TRMT11: variants seen among roughly 807,000 people sequenced by gnomAD.
The protein encoded by TRMT11 is tRNA (guanine(10)-N(2))-methyltransferase TRMT11.
Under a neutral mutation model 62.8 loss-of-function variants are expected in TRMT11, and 53 were observed. The observed-to-expected ratio is 0.84, with a 90% CI of 0.68 to 1.06. The LOEUF (loss-of-function observed/expected upper bound fraction) is 1.06. Ranked by LOEUF, TRMT11 falls within the 50% of genes least tolerant of loss-of-function variation. The probability of loss-of-function intolerance (pLI) is 0.00; values close to 1 mark genes in which losing one functional copy is unlikely to be tolerated. For synonymous variants in TRMT11, 188 were observed against 190.3 expected (o/e 0.99, Z 0.10); for missense variants, 556 against 553.4 (o/e 1.00, Z -0.05).
intron 21 of TRMT11, among the ~76,000 whole-genome samples, chr6:126,166,640 T>C (rs563793509): frequency 2.1e-4 from 32 of 152,360 alleles, no homozygotes; most frequent in Middle Eastern, 3.4e-3. Flanking sequence ...TCGAGCGCTA[T>C]GCTGGGAGAT....
At chr6:126,247,479 A>ATCTATCTATCTG in the TRMT11 span, among the ~76,000 whole-genome samples, 222 of 148,828 alleles carry the variant, frequency 1.5e-3, 1 homozygote, top group African/African-American at 5.0e-3. Context: ...CTATCTATCT[A>ATCTATCTATCTG]TCTATCTATC....
chr6:126,199,936 C>T (rs1008618191), intron 3 of TRMT11: 2 of 152,074 alleles, frequency 1.3e-5, no homozygotes, highest in South Asian at 2.1e-4. Context: ...ACTAATGTTA[C>T]GCTAAGATGG....
intron 12 of TRMT11, among the ~76,000 whole-genome samples, chr6:126,029,808 A>C (rs1773859183): frequency 6.6e-6 from 1 of 152,314 alleles, no homozygotes; most frequent in African/African-American, 2.4e-5. Flanking sequence ...ACTTTTATAA[A>C]GTACAGATTC....
intron 12 of TRMT11, among the ~76,000 whole-genome samples, chr6:126,032,585 A>G (rs1774404587): frequency 6.6e-6 from 1 of 152,112 alleles, no homozygotes; most frequent in Non-Finnish European, 1.5e-5. Context: ...ACTTCCTGAG[A>G]GAAGCCTTTC....
downstream of TRMT11, among the ~76,000 whole-genome samples, chr6:126,204,019 A>G (rs149005975): frequency 1.3e-5 from 2 of 152,162 alleles, no homozygotes; most frequent in African/African-American, 2.4e-5. Context: ...AGAACAACCA[A>G]CTAACCAGGC....
the TRMT11 span, among the ~76,000 whole-genome samples, chr6:126,216,500 T>G: frequency 6.6e-6 from 1 of 152,146 alleles, no homozygotes; most frequent in Non-Finnish European, 1.5e-5. Context: ...TGTTATTGAT[T>G]TCTAGTTTTA....
chr6:126,078,001 A>G (rs372361999), intron 17 of TRMT11, among the ~76,000 whole-genome samples: 7 of 152,174 alleles, frequency 4.6e-5, no homozygotes, highest in Admixed American at 4.6e-4. Context: ...GGGTTTGGGA[A>G]TATGGGTAGC....
In TRMT11 at chr6:126,093,610, TATATATATA is replaced by T. The variant is rs1469209051; in HGVS notation, c.*1438-19255_*1438-19247del. ...GTATATATATATATATATATATATA[TATATATATA>T]TATATATATATATTTTCCCCCAGTC... On this transcript the variant is annotated intron_variant and NMD_transcript_variant, in intron 17 of 22. Transcript: ENST00000648977. 6.3e-4 allele frequency among the ~76,000 whole-genome samples: 60 copies of T among 95,288 alleles called. 3 individuals carry two copies. The highest frequency in any genetic ancestry group is 3.3e-3 in the African/African-American group (57 of 17,346). The allele number at this position is 95,288 out of a possible 152,430, so 62.5% of individuals were successfully genotyped here.
chr6:126,231,570 C>T, the TRMT11 span, among the ~76,000 whole-genome samples: 3 of 152,088 alleles, frequency 2.0e-5, no homozygotes, highest in Non-Finnish European at 4.4e-5. Flanking sequence ...GATTTTCAAC[C>T]GTGCAGAGGG....
intron 17 of TRMT11, among the ~76,000 whole-genome samples, chr6:126,098,638 ATC>A (rs1230433413): frequency 6.6e-6 from 1 of 152,200 alleles, no homozygotes; most frequent in African/African-American, 2.4e-5. Context: ...CTTGTTAGAA[ATC>A]TGTGAAATGA....
At chr6:126,014,451 G>T (rs1009116964) in intron 11 of TRMT11, among the ~76,000 whole-genome samples, 1 of 152,044 alleles carries the variant, frequency 6.6e-6, no homozygotes, top group South Asian at 2.1e-4. Context: ...AGGTTTCACT[G>T]TGTTGGCCAG....
At chr6:126,224,474 C>T in the TRMT11 span, among the ~76,000 whole-genome samples, 2 of 152,184 alleles carry the variant, frequency 1.3e-5, no homozygotes, top group Non-Finnish European at 2.9e-5. Context: ...GGACCAGGCC[C>T]ATGGCTTTTT....
At position 126,012,806 on chromosome 6, in the gene TRMT11, G is replaced by C. The variant is rs767438873; in HGVS notation, c.961G>C (p.Gly321Arg). ...TATCAGAGAATCTACAAGAAGAACA[G>C]GTTCACAGAAGGAGATACCAAAGGG... ...YGIRESTRRTGSQKEIPKGIE... is the reference protein window; with the variant it reads ...YGIRESTRRTRSQKEIPKGIE... The change falls in exon 10 of 13, where the codon GGT (glycine) becomes CGT (arginine). Residue 321 changes from glycine (G) to arginine (R), a missense_variant. Coordinates refer to ENST00000334379, the MANE Select transcript of TRMT11 (RefSeq NM_001031712.3). 18 of 1,613,648 alleles carry C rather than the reference G, an allele frequency of 1.1e-5. No individual in the cohort carries two copies. The South Asian group carries it at 1.6e-4, about 15-fold the overall frequency.
the TRMT11 span, among the ~76,000 whole-genome samples, chr6:126,241,045 A>T: frequency 9.8e-5 from 15 of 152,336 alleles, no homozygotes; most frequent in South Asian, 3.1e-3. Flanking sequence ...GCCATTTGCT[A>T]AGACAATTGG....
chr6:126,158,449 G>A (rs1778147189), intron 21 of TRMT11, among the ~76,000 whole-genome samples: 1 of 152,204 alleles, frequency 6.6e-6, no homozygotes, highest in Non-Finnish European at 1.5e-5. Context: ...TAGAAGGAGT[G>A]TTTGGGAAGA....
At chr6:126,211,379 T>C in the TRMT11 span, among the ~76,000 whole-genome samples, 1 of 152,192 alleles carries the variant, frequency 6.6e-6, no homozygotes, top group African/African-American at 2.4e-5. Flanking sequence ...GGTCAATGGA[T>C]ATATTTTTTA....
At chr6:126,047,957 A>G (rs868658610) in intron 16 of TRMT11, among the ~76,000 whole-genome samples, 1 of 152,208 alleles carries the variant, frequency 6.6e-6, no homozygotes, top group African/African-American at 2.4e-5. Context: ...TGCTTGTCAT[A>G]TAAAATCATT....
chr6:126,194,423 T>C (rs1778641092), intron 1 of TRMT11, among the ~76,000 whole-genome samples: 1 of 152,236 alleles, frequency 6.6e-6, no homozygotes. Context: ...TGACAATTAT[T>C]TCTTTATGAA....
intron 17 of TRMT11, among the ~76,000 whole-genome samples, chr6:126,090,086 T>C (rs2128166092): frequency 6.6e-6 from 1 of 152,272 alleles, no homozygotes; most frequent in South Asian, 2.1e-4. Context: ...TCCAAGACGC[T>C]CAGACATCTT....
Sources: allele counts gnomAD v4.1 joint callset (sites outside exome capture counted in the v4.1 genomes callset), GRCh38; gene constraint gnomAD v4.1.1; transcripts MANE v1.5; gene names NCBI Gene and HGNC (gene_info 2026-07-23, HGNC 2026-07-21).